NTN1: variants seen among roughly 807,000 people sequenced by gnomAD.
NTN1 encodes netrin 1.
Under a neutral mutation model 54.2 loss-of-function variants are expected in NTN1, and 11 were observed. The ratio of observed to expected loss-of-function variants is 0.20; its 90% CI spans 0.13 to 0.34. The LOEUF is 0.34. Ranked by LOEUF, NTN1 falls within the 10% of genes least tolerant of loss-of-function variation. The pLI is 1.00. For synonymous variants in NTN1, 371 were observed against 382.0 expected (o/e 0.97, Z 0.33); for missense variants, 740 against 893.1 (o/e 0.83, Z 2.18).
intron 5 of NTN1, among the ~76,000 whole-genome samples, chr17:9,197,511 T>A (rs1330708734): frequency 6.6e-6 from 1 of 151,858 alleles, no homozygotes; most frequent in Admixed American, 6.6e-5. Context: ...ATATAAAAAA[T>A]TAGCCAGGCG....
At chr17:9,077,205 G>T (rs1416711085) in intron 2 of NTN1, among the ~76,000 whole-genome samples, 1 of 152,072 alleles carries the variant, frequency 6.6e-6, no homozygotes, top group African/African-American at 2.4e-5. Flanking sequence ...GGAATGGAAA[G>T]GTTCAAAAGA....
chr17:9,180,205 A>T (rs1453928684), intron 4 of NTN1, among the ~76,000 whole-genome samples: 1 of 152,114 alleles, frequency 6.6e-6, no homozygotes, highest in African/African-American at 2.4e-5. Flanking sequence ...TGCCCCGCTG[A>T]TTTTTGTCTT....
chr17:9,213,976 T>C (rs375861062), intron 5 of NTN1, among the ~76,000 whole-genome samples: 69 of 152,300 alleles, frequency 4.5e-4, no homozygotes, highest in African/African-American at 1.5e-3. Context: ...TTTCTTTCTT[T>C]TATTTGTAGT....
intron 2 of NTN1, among the ~76,000 whole-genome samples, chr17:9,121,076 G>A (rs541297498): frequency 6.6e-6 from 1 of 152,256 alleles, no homozygotes; most frequent in East Asian, 1.9e-4. Flanking sequence ...CTCAATACAG[G>A]ACTGTGTGGT....
chr17:9,043,985 A>C (rs967159901), intron 2 of NTN1, among the ~76,000 whole-genome samples: 21 of 151,702 alleles, frequency 1.4e-4, no homozygotes, highest in African/African-American at 5.1e-4. Flanking sequence ...AACTAACATT[A>C]TTTTCTTATT....
intron 2 of NTN1, among the ~76,000 whole-genome samples, chr17:9,088,105 A>C (rs1424118648): frequency 1.3e-5 from 2 of 152,116 alleles, no homozygotes; most frequent in Non-Finnish European, 1.5e-5. Context: ...CCAGAACCCC[A>C]GCTCACCAAG....
At chr17:9,175,152 C>T (rs1452632014) in intron 3 of NTN1, 1 of 152,182 alleles carries the variant, frequency 6.6e-6, no homozygotes, top group Non-Finnish European at 1.5e-5. Flanking sequence ...GTGTCTCCTC[C>T]CTGGCAGAGC....
chr17:9,231,837 A>G (rs1215432136), intron 6 of NTN1, among the ~76,000 whole-genome samples: 1 of 152,196 alleles, frequency 6.6e-6, no homozygotes, highest in East Asian at 1.9e-4. Flanking sequence ...ATGCCAAGGG[A>G]GGCTGGCTTT....
chr17:9,029,608 C>T (rs1041749529), intron 2 of NTN1, among the ~76,000 whole-genome samples: 1 of 152,240 alleles, frequency 6.6e-6, no homozygotes, highest in Non-Finnish European at 1.5e-5. Context: ...CGTAGCACAA[C>T]TTAGTGAGCT....
chr17:9,166,701 G>A (rs549854755), intron 3 of NTN1, among the ~76,000 whole-genome samples: 3 of 152,174 alleles, frequency 2.0e-5, no homozygotes, highest in African/African-American at 4.8e-5. Flanking sequence ...CTTCAGGTGA[G>A]AGCTGCACTT....
At chr17:9,110,701 C>T (rs572720780) in intron 2 of NTN1, among the ~76,000 whole-genome samples, 138 of 152,292 alleles carry the variant, frequency 9.1e-4, no homozygotes, top group African/African-American at 3.2e-3. Context: ...AGTCCACAGT[C>T]AGGGTCTCAG....
intron 5 of NTN1, among the ~76,000 whole-genome samples, chr17:9,192,799 G>C (rs963254020): frequency 6.6e-6 from 1 of 152,132 alleles, no homozygotes; most frequent in Non-Finnish European, 1.5e-5. Context: ...CTGTTTCCTC[G>C]GCCGGGCGCG....
At chr17:9,029,522 A>T (rs937168212) in intron 2 of NTN1, among the ~76,000 whole-genome samples, 1 of 152,200 alleles carries the variant, frequency 6.6e-6, no homozygotes, top group African/African-American at 2.4e-5. Context: ...TACTTGAAAG[A>T]AGTGAGCTGC....
intron 2 of NTN1, among the ~76,000 whole-genome samples, chr17:9,046,553 A>G (rs2091941984): frequency 6.6e-6 from 1 of 152,178 alleles, no homozygotes; most frequent in Non-Finnish European, 1.5e-5. Flanking sequence ...TCGGGAGGCC[A>G]AGGTGGAAGG....
At chr17:9,183,060 A>G in intron 5 of NTN1, 91 bp downstream of exon 5, 3 of 1,316,570 alleles carry the variant, frequency 2.3e-6, no homozygotes, top group Non-Finnish European at 3.3e-6. Flanking sequence ...TGGAAAGCCC[A>G]GACTCCTCTA....
rs1906131635 is a variant in NTN1 at position 9,239,910 on chromosome 17, C to T, written c.1757C>T (p.Ala586Val). The T allele has an allele frequency of 7.3e-7, 1 of 1,361,218 alleles. No homozygotes were observed. The highest frequency in any genetic ancestry group is 1.5e-5 in the African/African-American group (1 of 65,832). 84.3% of individuals were successfully genotyped at this position (1,361,218 alleles called of 1,614,324 possible). ...SLVIQWRDTW[A>V]RRLRKFQQRE... Reference sequence around the variant, plus strand: ...GTGATCCAGTGGCGGGACACGTGGGCGCGGCGGCTGCGCAAGTTCCAGCAG... The same window carrying T: ...GTGATCCAGTGGCGGGACACGTGGGTGCGGCGGCTGCGCAAGTTCCAGCAG... The change falls in exon 7 of 7, where the codon GCG becomes GTG. Residue 586 changes from alanine to valine, a missense_variant. Coordinates refer to ENST00000173229, the MANE Select transcript of NTN1 (RefSeq NM_004822.3). The surrounding 1 kb of genome is among the most constrained non-coding windows in gnomAD (Gnocchi z 5.2).
chr17:9,022,683 C>G lies in NTN1; in HGVS notation c.310C>G (p.Pro104Ala). The G allele has an allele frequency of 6.3e-7, 1 of 1,585,086 alleles. No individual in the cohort carries two copies. The highest frequency in any genetic ancestry group is 8.6e-7 in the Non-Finnish European group (1 of 1,167,102). Residue 104 changes from proline to alanine, a missense_variant, in exon 2 of 7, where the codon CCG (proline) becomes GCG (alanine). Pro to Ala is a conservative substitution (Grantham distance 27). Coordinates refer to ENST00000173229, the MANE Select transcript of NTN1 (RefSeq NM_004822.3). The part of the protein sequence containing the change: ...CNASDPKKAH[P>A]PAFLTDLNNP... Reference sequence around the variant, plus strand: ...CGCGTCCGACCCCAAGAAGGCGCACCCGCCCGCCTTCCTCACCGACCTCAA... The same window carrying G: ...CGCGTCCGACCCCAAGAAGGCGCACGCGCCCGCCTTCCTCACCGACCTCAA...
intron 2 of NTN1, among the ~76,000 whole-genome samples, chr17:9,140,607 C>G (rs1394126672): frequency 1.3e-5 from 2 of 152,076 alleles, no homozygotes; most frequent in African/African-American, 4.8e-5. Flanking sequence ...GCAGGGCTTC[C>G]CCCATCCCCA....
In NTN1 at chr17:9,211,696, G is replaced by A. The variant is rs1202586136; in HGVS notation, c.1412-9472G>A. 6.6e-6 allele frequency among the ~76,000 whole-genome samples: 1 copy of A among 152,242 alleles called. No individual in the cohort carries two copies. Among genetic ancestry groups the A allele is most frequent in the East Asian group, 1.9e-4 (1 of 5,198 alleles). ...AATCTGTGCCCCAGCCATATCGTGT[G>A]AGTGTGTGTATGCTTGCCTTCACCA... On this transcript the variant is annotated intron_variant, in intron 5 of 6. Coordinates refer to ENST00000173229, the MANE Select transcript of NTN1 (RefSeq NM_004822.3). The surrounding 1 kb of genome is among the most constrained non-coding windows in gnomAD (Gnocchi z 4.4).
Sources: allele counts gnomAD v4.1 joint callset (sites outside exome capture counted in the v4.1 genomes callset), GRCh38; gene constraint gnomAD v4.1.1; non-coding constraint Gnocchi (gnomAD v3.1); transcripts MANE v1.5; gene names NCBI Gene and HGNC (gene_info 2026-07-23, HGNC 2026-07-21).